The following PRKAR1B variants were observed in gnomAD, a reference collection of about 807,000 sequenced individuals.
PRKAR1B encodes cAMP-dependent protein kinase type I-beta regulatory subunit.
Under a neutral mutation model 46.5 loss-of-function variants are expected in PRKAR1B, and 22 were observed. That is an observed-to-expected ratio of 0.47 (90% confidence interval 0.34 to 0.68). PRKAR1B has a LOEUF of 0.68. Ranked by LOEUF, PRKAR1B falls within the 30% of genes least tolerant of loss-of-function variation. PRKAR1B has a pLI of 0.01. For synonymous variants in PRKAR1B, 259 were observed against 217.7 expected (o/e 1.19, Z -1.67); for missense variants, 445 against 535.6 (o/e 0.83, Z 1.67).
chr7:711,783 G>C (rs1780646565), intron 1 of PRKAR1B, among the ~76,000 whole-genome samples: 1 of 152,120 alleles, frequency 6.6e-6, no homozygotes, highest in South Asian at 2.1e-4. Flanking sequence ...CAGGCAGACA[G>C]GGGTGCACGC....
chr7:703,136 C>A (rs1245970862), intron 2 of PRKAR1B, among the ~76,000 whole-genome samples: 3 of 152,004 alleles, frequency 2.0e-5, no homozygotes, highest in Non-Finnish European at 4.4e-5. Flanking sequence ...GACTTCAGAA[C>A]AATGAAAATT....
At chr7:606,884 ACAT>A (rs1484650512) in intron 5 of PRKAR1B, among the ~76,000 whole-genome samples, 3 of 152,140 alleles carry the variant, frequency 2.0e-5, no homozygotes, top group African/African-American at 7.2e-5. Context: ...TTATACACAC[ACAT>A]ATGTATATAT....
chr7:574,200 A>T (rs1233674892), intron 9 of PRKAR1B, among the ~76,000 whole-genome samples: 1 of 152,244 alleles, frequency 6.6e-6, no homozygotes, highest in East Asian at 1.9e-4. Flanking sequence ...TGTCTGAATC[A>T]GCCACAGCTA....
upstream of PRKAR1B, among the ~76,000 whole-genome samples, chr7:727,825 C>T (rs1372882151): frequency 6.7e-6 from 1 of 148,714 alleles, no homozygotes; most frequent in Non-Finnish European, 1.5e-5. Context: ...CCTGAGCCCC[C>T]TCCACCCCAC....
Position 551,860 on chromosome 7 carries a change from T to G in PRKAR1B, c.892-390A>C, listed in dbSNP as rs78522909. On this transcript the variant is annotated intron_variant, in intron 9 of 10. Transcript: ENST00000537384. ...TCTCCCAGAGCCACTGCCACCACCA[T>G]GTAACCACCCAAACCCCCACCTCCC... Among the ~76,000 whole-genome samples the G allele has an allele frequency of 1.1e-3, 66 of 57,502 alleles. 4 individuals are homozygous for G. Among genetic ancestry groups the G allele is most frequent in the African/African-American group, 5.1e-3 (65 of 12,732 alleles). 37.7% of individuals were successfully genotyped at this position (57,502 alleles called of 152,430 possible). A position where few individuals can be genotyped will look rare whatever the true frequency, so the allele number is the denominator to read the frequency against.
intron 9 of PRKAR1B, among the ~76,000 whole-genome samples, chr7:570,248 AG>A (rs1000819644): frequency 3.3e-5 from 5 of 152,194 alleles, no homozygotes; most frequent in Non-Finnish European, 4.4e-5. Flanking sequence ...GGCTCGTGGC[AG>A]GGCCCTGAGG....
chr7:620,600 T>G (rs1187007420), intron 4 of PRKAR1B, among the ~76,000 whole-genome samples: 1 of 152,186 alleles, frequency 6.6e-6, no homozygotes, highest in East Asian at 1.9e-4. Flanking sequence ...AAAGAAAAAT[T>G]GTGTATATTT....
At chr7:569,199 G>A (rs1002980577) in intron 9 of PRKAR1B, among the ~76,000 whole-genome samples, 71 of 152,186 alleles carry the variant, frequency 4.7e-4, no homozygotes, top group African/African-American at 1.6e-3. Context: ...TTTACTTGAA[G>A]AAATTACTTT....
chr7:620,838 A>C (rs183773172), intron 4 of PRKAR1B, among the ~76,000 whole-genome samples: 60 of 152,318 alleles, frequency 3.9e-4, no homozygotes, highest in Non-Finnish European at 7.5e-4. Flanking sequence ...CATGAAAGCC[A>C]TCAGAGCCTC....
intron 9 of PRKAR1B, among the ~76,000 whole-genome samples, chr7:553,026 G>A (rs971411954): frequency 1.3e-5 from 2 of 152,246 alleles, no homozygotes; most frequent in South Asian, 2.1e-4. Context: ...TGCGGACGGC[G>A]GGGCTGGGGT....
chr7:557,928 C>G (rs1027574862), intron 9 of PRKAR1B, among the ~76,000 whole-genome samples: 2 of 152,164 alleles, frequency 1.3e-5, no homozygotes, highest in Non-Finnish European at 2.9e-5. Context: ...TGGGAGGAGA[C>G]GCCGCAGAAC....
chr7:593,577 C>T lies in PRKAR1B; in HGVS notation c.708+2569G>A, dbSNP rs974776339. 1.3e-5 allele frequency among the ~76,000 whole-genome samples: 2 copies of T among 152,196 alleles called. No individual in the cohort carries two copies. The highest frequency in any genetic ancestry group is 2.9e-5 in the Non-Finnish European group (2 of 68,038). On this transcript the variant is annotated intron_variant, in intron 7 of 10. Coordinates refer to ENST00000537384, the MANE Select transcript of PRKAR1B (RefSeq NM_001164760.2). The surrounding 1 kb of genome is among the most constrained non-coding windows in gnomAD (Gnocchi z 6.1). ...GATGGTGGGGAAACGGCTTATGCAA[C>T]GCCGGGCCAGGTGCGCCCAGAGGAG...
intron 6 of PRKAR1B, among the ~76,000 whole-genome samples, chr7:605,957 T>C (rs1387081404): frequency 6.6e-6 from 1 of 152,216 alleles, no homozygotes. Flanking sequence ...ACAGCGGCCC[T>C]GGAAAACCTG....
chr7:647,113 C>G (rs1246180767), intron 4 of PRKAR1B, among the ~76,000 whole-genome samples: 2 of 152,244 alleles, frequency 1.3e-5, no homozygotes, highest in Non-Finnish European at 2.9e-5. Context: ...TGTCCCCTCT[C>G]TCCCACGTCC....
At chr7:629,817 G>A (rs1783631249) in intron 4 of PRKAR1B, among the ~76,000 whole-genome samples, 1 of 90,848 alleles carries the variant, frequency 1.1e-5, no homozygotes, top group Non-Finnish European at 2.1e-5. Flanking sequence ...GCTGGAAAAC[G>A]CTGCAGGAGC....
In PRKAR1B at chr7:667,247, G is replaced by A. The variant is rs1583388762; in HGVS notation, c.440+9982C>T. Among the ~76,000 whole-genome samples, 1 of 152,108 alleles carries A rather than the reference G, an allele frequency of 6.6e-6. No homozygotes were observed. The highest frequency in any genetic ancestry group is 2.1e-4 in the South Asian group (1 of 4,828). On this transcript the variant is annotated intron_variant, in intron 4 of 10. Transcript: ENST00000537384. This position sits in a 1 kb window ranked among gnomAD's most constrained non-coding sequence, Gnocchi z 4.3. ...CTATGATGGTGATGATAATGATGGT[G>A]GTGATAACAGTACACACATAGATAT...
chr7:640,211 G>C (rs1411217594), intron 4 of PRKAR1B, among the ~76,000 whole-genome samples: 1 of 151,316 alleles, frequency 6.6e-6, no homozygotes, highest in Non-Finnish European at 1.5e-5. Context: ...AAAAATTTTT[G>C]CACTTCAAAA....
intron 9 of PRKAR1B, among the ~76,000 whole-genome samples, chr7:567,468 A>ATCATCACCATCACCT (rs1198877716): frequency 1.4e-5 from 2 of 146,784 alleles, no homozygotes; most frequent in African/African-American, 2.5e-5. Flanking sequence ...CACTATCACC[A>ATCATCACCATCACCT]TCATCACCAT....
chr7:573,031 C>A (rs1779614453), intron 9 of PRKAR1B, among the ~76,000 whole-genome samples: 1 of 152,178 alleles, frequency 6.6e-6, no homozygotes, highest in Non-Finnish European at 1.5e-5. Flanking sequence ...ACCGGCCGGG[C>A]CCCGCCGCAC....
Sources: gnomAD v4.1 joint callset for allele counts (sites outside exome capture counted in the v4.1 genomes callset) on GRCh38, gnomAD v4.1.1 for gene constraint, Gnocchi (gnomAD v3.1) non-coding constraint, MANE v1.5 for transcripts, NCBI Gene and HGNC (gene_info 2026-07-23, HGNC 2026-07-21) for gene names.